Variants in GARRE1 observed in about 807,000 individuals in gnomAD.
GARRE1 encodes granule associated Rac and RHOG effector protein 1.
Under a neutral mutation model 103.2 loss-of-function variants are expected in GARRE1, and 49 were observed. The ratio of observed to expected loss-of-function variants is 0.47; its 90% CI spans 0.38 to 0.60. The LOEUF (loss-of-function observed/expected upper bound fraction) is 0.60, where lower values mean the gene tolerates loss of function less well. GARRE1 is among the 20% of genes least tolerant of loss of function. GARRE1 has a pLI of 0.00. For synonymous variants in GARRE1, 505 were observed against 532.8 expected (o/e 0.95, Z 0.72); for missense variants, 1,199 against 1,370.5 (o/e 0.87, Z 1.98).
chr19:34,263,297 T>TAGATAGATAGAC lies in GARRE1; in HGVS notation c.-796+8688_-796+8689insGATAGACAGATA, dbSNP rs1360297029. On this transcript the variant is annotated intron_variant, in intron 1 of 13. Transcript: ENST00000299505. ...ATAGATAGATAGATAGATAGATAGA[T>TAGATAGATAGAC]AGATATACATGAAATAGGTTTATAA... Among the ~76,000 whole-genome samples, 123 of 151,986 alleles carry TAGATAGATAGAC rather than the reference T, an allele frequency of 8.1e-4. 4 individuals carry two copies. In the East Asian group the frequency reaches 0.023, roughly 28 times the overall value.
chr19:34,321,581 G>T (rs2074089167), intron 3 of GARRE1, among the ~76,000 whole-genome samples: 1 of 151,854 alleles, frequency 6.6e-6, no homozygotes. Flanking sequence ...AGCCTCCCAA[G>T]TAGCTGGGAT....
intron 3 of GARRE1, among the ~76,000 whole-genome samples, chr19:34,324,589 C>T (rs2074103645): frequency 6.6e-6 from 1 of 151,484 alleles, no homozygotes; most frequent in Non-Finnish European, 1.5e-5. Context: ...GCAATCTTGA[C>T]CTCCTCGGCT....
At chr19:34,325,741 C>T (rs1031606845) in intron 3 of GARRE1, among the ~76,000 whole-genome samples, 6 of 152,174 alleles carry the variant, frequency 3.9e-5, no homozygotes, top group African/African-American at 1.4e-4. Flanking sequence ...TAGTCTGGCT[C>T]CTGCCTTGAT....
At chr19:34,285,293 C>CTGTACAT (rs1391411827) in intron 1 of GARRE1, 5 of 152,114 alleles carry the variant, frequency 3.3e-5, no homozygotes, top group Admixed American at 6.6e-5. Flanking sequence ...ACCACCTTCT[C>CTGTACAT]TGTACATTGT....
At chr19:34,263,112 C>A (rs542958124) in intron 1 of GARRE1, among the ~76,000 whole-genome samples, 36 of 152,078 alleles carry the variant, frequency 2.4e-4, no homozygotes, top group Non-Finnish European at 3.8e-4. Flanking sequence ...GTCCAGGAGG[C>A]TGCAGCAGGA....
intron 3 of GARRE1, among the ~76,000 whole-genome samples, chr19:34,321,006 A>G (rs1249990709): frequency 2.1e-5 from 3 of 145,656 alleles, no homozygotes. Context: ...TGCCTCCCAA[A>G]GTGCTGGGAT....
In GARRE1 at chr19:34,333,695, CG is replaced by C; in HGVS notation, c.1264-8del. The C allele has an allele frequency of 3.0e-6, 1 of 336,046 alleles. No individual in the cohort carries two copies. Among genetic ancestry groups the C allele is most frequent in the Non-Finnish European group, 4.7e-6 (1 of 213,052 alleles). 20.8% of individuals were successfully genotyped at this position (336,046 alleles called of 1,614,324 possible). On this transcript the variant is annotated splice_region_variant and splice_polypyrimidine_tract_variant and intron_variant, in intron 7 of 13. Coordinates refer to ENST00000299505, the MANE Select transcript of GARRE1 (RefSeq NM_014686.5). ...GTTATTTGTTTTTTTTTTTTTTTTT[CG>C]ATCTTAGGTGGTGGTTGACACAGCA... is the stretch of plus-strand genomic sequence containing the variant.
At chr19:34,306,373 A>G (rs1430300565) in intron 2 of GARRE1, among the ~76,000 whole-genome samples, 1 of 152,214 alleles carries the variant, frequency 6.6e-6, no homozygotes, top group Non-Finnish European at 1.5e-5. Context: ...TGGCCAGTGC[A>G]TGTGTGCAGT....
At chr19:34,267,612 CT>C (rs544099217) in intron 1 of GARRE1, among the ~76,000 whole-genome samples, 20 of 151,914 alleles carry the variant, frequency 1.3e-4, no homozygotes, top group Non-Finnish European at 2.5e-4. Flanking sequence ...GTAATCCAAC[CT>C]TTTTTTTAGA....
chr19:34,347,676 G>A (rs554437380), intron 10 of GARRE1, among the ~76,000 whole-genome samples: 192 of 152,306 alleles, frequency 1.3e-3, no homozygotes, highest in Non-Finnish European at 2.3e-3. Context: ...CACACACCAT[G>A]CCTCAGCCCT....
At chr19:34,269,704 A>G (rs1422677976) in intron 1 of GARRE1, among the ~76,000 whole-genome samples, 1 of 152,218 alleles carries the variant, frequency 6.6e-6, no homozygotes, top group East Asian at 1.9e-4. Context: ...TTAGGATTAC[A>G]GTGTGAGCCA....
intron 8 of GARRE1, among the ~76,000 whole-genome samples, 186 bp from the exon 9 acceptor site, chr19:34,339,681 C>T (rs188579897): frequency 2.0e-4 from 30 of 152,294 alleles, no homozygotes; most frequent in Admixed American, 1.9e-3. Flanking sequence ...CTTTTTGCTT[C>T]CTACTCCTCT....
chr19:34,327,575 A>AACTT lies in GARRE1; in HGVS notation c.846+17_846+18insTACT. On this transcript the variant is annotated intron_variant, in intron 4 of 13. Transcript: ENST00000299505. Reference sequence around the variant, plus strand: ...AGTGCTTTGCAAGTAAGTTTTTCAGAACTGACATACTGATTTCCACGGGAT... The same window carrying AACTT: ...AGTGCTTTGCAAGTAAGTTTTTCAGAACTTACTGACATACTGATTTCCACGGGAT... 1 of 1,612,858 alleles carries AACTT rather than the reference A, an allele frequency of 6.2e-7. No individual in the cohort carries two copies. Among genetic ancestry groups the AACTT allele is most frequent in the Non-Finnish European group, 8.5e-7 (1 of 1,179,600 alleles).
chr19:34,319,497 A>G (rs1264697963), intron 2 of GARRE1, among the ~76,000 whole-genome samples: 9 of 152,182 alleles, frequency 5.9e-5, no homozygotes. Context: ...GCCTTCTTTC[A>G]GATTTTTAGT....
intron 1 of GARRE1, among the ~76,000 whole-genome samples, chr19:34,271,815 A>G (rs533705129): frequency 2.0e-5 from 3 of 151,736 alleles, no homozygotes; most frequent in Non-Finnish European, 4.4e-5. Flanking sequence ...AGCCTGGGGC[A>G]TGGAGCAAGT....
intron 1 of GARRE1, among the ~76,000 whole-genome samples, chr19:34,259,639 G>A (rs941334178): frequency 2.6e-5 from 4 of 152,106 alleles, no homozygotes; most frequent in East Asian, 1.9e-4. Context: ...AACACAGTGC[G>A]TGGAAATGAT....
intron 1 of GARRE1, among the ~76,000 whole-genome samples, chr19:34,293,746 A>ATT (rs2073931399): frequency 2.1e-5 from 2 of 94,494 alleles, no homozygotes; most frequent in African/African-American, 4.2e-5. Context: ...ACACACACAT[A>ATT]TTTCTTTTTT....
intron 3 of GARRE1, among the ~76,000 whole-genome samples, chr19:34,324,985 C>G (rs540341993): frequency 1.5e-4 from 23 of 152,188 alleles, no homozygotes; most frequent in Non-Finnish European, 2.9e-4. Context: ...CAAGAACATG[C>G]CTTCTCTTAT....
intron 2 of GARRE1, among the ~76,000 whole-genome samples, chr19:34,312,062 T>C (rs1258113625): frequency 1.3e-5 from 2 of 152,158 alleles, no homozygotes; most frequent in Non-Finnish European, 2.9e-5. Context: ...GCGATCCTCC[T>C]GTCTGGGCCT....
Sources: gnomAD v4.1 joint callset for allele counts (sites outside exome capture counted in the v4.1 genomes callset) on GRCh38, gnomAD v4.1.1 for gene constraint, MANE v1.5 for transcripts, NCBI Gene and HGNC (gene_info 2026-07-23, HGNC 2026-07-21) for gene names.